ADARB2: variants seen among roughly 807,000 people sequenced by gnomAD.
ADARB2 encodes inactive double-stranded RNA-specific editase B2.
Under a neutral mutation model 62.2 loss-of-function variants are expected in ADARB2, and 25 were observed. The ratio of observed to expected loss-of-function variants is 0.40; its 90% CI spans 0.29 to 0.56. The LOEUF is 0.56. ADARB2 is among the 20% of genes least tolerant of loss of function. The pLI is 0.43. For missense variants in ADARB2, 1,071 were observed against 1,077.4 expected, an observed-to-expected ratio of 0.99 and a Z score of 0.08; for synonymous variants, 572 against 500.8, an observed-to-expected ratio of 1.14 and a Z score of -1.90.
intron 3 of ADARB2, 29 bp downstream of exon 3, chr10:1,362,999 G>A (rs1485320164): frequency 1.5e-6 from 2 of 1,302,458 alleles, no homozygotes; most frequent in Non-Finnish European, 9.8e-7. Context: ...AGCGCCGCCC[G>A]TTCCCCCTGC....
At chr10:1,721,836 A>C (rs1835097353) in intron 1 of ADARB2, among the ~76,000 whole-genome samples, 1 of 152,086 alleles carries the variant, frequency 6.6e-6, no homozygotes. Flanking sequence ...CACAGGACTG[A>C]CTGGAGAGGG....
At chr10:1,555,437 AT>A (rs1178984495) in intron 1 of ADARB2, among the ~76,000 whole-genome samples, 2 of 152,214 alleles carry the variant, frequency 1.3e-5, no homozygotes, top group Non-Finnish European at 2.9e-5. Flanking sequence ...TTGAAGCTCA[AT>A]CATCCTTCGT....
chr10:1,383,363 A>G (rs973968166), intron 1 of ADARB2, among the ~76,000 whole-genome samples: 1 of 152,114 alleles, frequency 6.6e-6, no homozygotes, highest in African/African-American at 2.4e-5. Context: ...TAGAAACAAA[A>G]TGTCCTGAGT....
intron 1 of ADARB2, among the ~76,000 whole-genome samples, chr10:1,443,312 G>A (rs1830925983): frequency 6.6e-6 from 1 of 152,154 alleles, no homozygotes; most frequent in African/African-American, 2.4e-5. Flanking sequence ...TCTTGCTGAA[G>A]ACCTTTCTTT....
intron 3 of ADARB2, among the ~76,000 whole-genome samples, chr10:1,297,773 T>C (rs1333383535): frequency 6.6e-6 from 1 of 151,994 alleles, no homozygotes; most frequent in East Asian, 1.9e-4. Context: ...ACTCCCCCAG[T>C]CTAGAGACGC....
intron 8 of ADARB2, chr10:1,186,444 C>A (rs1836760137): frequency 1.9e-6 from 1 of 517,200 alleles, no homozygotes; most frequent in Non-Finnish European, 3.9e-6. Context: ...CCCAAGATCC[C>A]TTGTCCCATT....
intron 1 of ADARB2, among the ~76,000 whole-genome samples, chr10:1,641,881 C>T (rs1252814712): frequency 1.6e-4 from 24 of 152,006 alleles, no homozygotes; most frequent in Non-Finnish European, 2.1e-4. Context: ...GGTGTGGTGG[C>T]GGGCGCCTGT....
rs1019828644 is a variant in ADARB2, at chr10:1,477,782, T to A, written c.101-98622A>T. Among the ~76,000 whole-genome samples, 5 of 152,244 alleles carry A rather than the reference T, an allele frequency of 3.3e-5. No individual in the cohort carries two copies. Among genetic ancestry groups the A allele is most frequent in the African/African-American group, 1.2e-4 (5 of 41,458 alleles). ...ACCACAGCCACGTGTTATTTCATGC[T>A]ATGTTTAAATCTAACTTGGGACTTC... On this transcript the variant is annotated intron_variant, in intron 1 of 9. Transcript: ENST00000381312. This position sits in a 1 kb window ranked among gnomAD's most constrained non-coding sequence, Gnocchi z 4.5.
At chr10:1,213,869 A>G (rs10751796) in intron 7 of ADARB2, among the ~76,000 whole-genome samples, 150,053 of 151,926 alleles carry the variant, frequency 0.99, 74,125 homozygotes, top group Middle Eastern at 1. Context: ...TGTGTCCAGC[A>G]TCTCGTGGGT....
intron 1 of ADARB2, among the ~76,000 whole-genome samples, chr10:1,456,658 C>T (rs994012840): frequency 5.3e-5 from 8 of 152,112 alleles, no homozygotes; most frequent in South Asian, 2.1e-4. Flanking sequence ...TCGAGACGCG[C>T]GGGGCGTGGT....
At chr10:1,577,594 G>A (rs1362931851) in intron 1 of ADARB2, among the ~76,000 whole-genome samples, 1 of 152,202 alleles carries the variant, frequency 6.6e-6, no homozygotes, top group Non-Finnish European at 1.5e-5. Flanking sequence ...AACGTGCCAG[G>A]CTGTACGAAG....
chr10:1,661,565 G>A (rs1588342989), intron 1 of ADARB2, among the ~76,000 whole-genome samples: 2 of 152,346 alleles, frequency 1.3e-5, no homozygotes, highest in African/African-American at 4.8e-5. Context: ...CACCTAGAGT[G>A]CAGACAAGTT....
intron 1 of ADARB2, among the ~76,000 whole-genome samples, chr10:1,641,327 C>G (rs895069450): frequency 1.3e-5 from 2 of 152,240 alleles, no homozygotes; most frequent in East Asian, 3.8e-4. Context: ...CCACTTTGAC[C>G]TGCCACGTGC....
chr10:1,625,207 C>T (rs1833751757), intron 1 of ADARB2, among the ~76,000 whole-genome samples: 2 of 152,170 alleles, frequency 1.3e-5, no homozygotes, highest in East Asian at 1.9e-4. Context: ...GCGTGGTGTG[C>T]GGGAGCAGAG....
intron 3 of ADARB2, among the ~76,000 whole-genome samples, chr10:1,338,090 T>C (rs576838011): frequency 1.0e-3 from 153 of 152,340 alleles, no homozygotes; most frequent in Non-Finnish European, 1.6e-3. Context: ...ATGAGAAACA[T>C]TCACTGAAGC....
intron 1 of ADARB2, among the ~76,000 whole-genome samples, chr10:1,494,518 G>A (rs1020669096): frequency 2.0e-5 from 3 of 152,160 alleles, no homozygotes; most frequent in Non-Finnish European, 4.4e-5. Flanking sequence ...GACTACAACA[G>A]CACTCTTGGG....
rs1193261571 is a variant in ADARB2 at position 1,261,631 on chromosome 10, G to A, written c.1192+9324C>T. 3.3e-5 allele frequency among the ~76,000 whole-genome samples: 5 copies of A among 149,570 alleles called. No individual in the cohort carries two copies. In the East Asian group the frequency reaches 5.8e-4, roughly 17 times the overall value. On this transcript the variant is annotated intron_variant, in intron 4 of 9. Transcript: ENST00000381312. ...TCTCACACCAGGCAATCATTAAAAA[G>A]TCAGGAAACAACAGGTGCTGGAGAG...
Position 1,363,806 on chromosome 10 carries a change from C to A in ADARB2, c.299G>T (p.Arg100Leu). The change falls in exon 3 of 10, where the codon CGG (arginine) becomes CTG (leucine). Residue 100 changes from arginine to leucine, a missense_variant. Transcript: ENST00000381312. ...RGGAPGAKRK[R>L]PLEEGNGGHL... ...GCCCCCATTCCCCTCCTCCAGCGGCCGCTTCCTCTTCGCGCCGGGCGCGCC... is the reference window on the plus strand; with the variant it reads ...GCCCCCATTCCCCTCCTCCAGCGGCAGCTTCCTCTTCGCGCCGGGCGCGCC... 6.3e-7 allele frequency: 1 copy of A among 1,595,964 alleles called. No individual in the cohort carries two copies.
At chr10:1,631,529 G>A (rs902423506) in intron 1 of ADARB2, among the ~76,000 whole-genome samples, 17 of 152,196 alleles carry the variant, frequency 1.1e-4, no homozygotes, top group African/African-American at 3.9e-4. Flanking sequence ...CAGTGCTTCC[G>A]TCACTCTTTG....
Sources: gnomAD v4.1 joint callset for allele counts (sites outside exome capture counted in the v4.1 genomes callset) on GRCh38, gnomAD v4.1.1 for gene constraint, Gnocchi (gnomAD v3.1) non-coding constraint, MANE v1.5 for transcripts, NCBI Gene and HGNC (gene_info 2026-07-23, HGNC 2026-07-21) for gene names.